The following LYPD6B variants were observed in gnomAD, a reference collection of about 807,000 sequenced individuals.
LYPD6B encodes LY6/PLAUR domain containing 6B.
Under a neutral mutation model 22.8 loss-of-function variants are expected in LYPD6B, and 17 were observed. The ratio of observed to expected loss-of-function variants is 0.75; its 90% CI spans 0.51 to 1.12. The LOEUF is 1.12. LYPD6B is among the 50% of genes most tolerant of loss of function. The pLI, the probability that LYPD6B is intolerant of heterozygous loss-of-function variation, is 0.00. For missense variants in LYPD6B, 221 were observed against 258.3 expected, an observed-to-expected ratio of 0.86 and a Z score of 0.99; for synonymous variants, 106 against 91.6, an observed-to-expected ratio of 1.16 and a Z score of -0.90.
rs58645227 is a variant in LYPD6B at position 149,093,383 on chromosome 2, C to T, written c.-66-37500C>T. ...GGAATAGGCCCTGGTCTAAAGGGAC[C>T]CCACAATAAACTGTCAGATGTCCTG... On this transcript the variant is annotated intron_variant, in intron 1 of 6. Transcript: ENST00000409642. 4.5e-3 allele frequency among the ~76,000 whole-genome samples: 687 copies of T among 152,114 alleles called. 8 individuals are homozygous for T. Among genetic ancestry groups the T allele is most frequent in the African/African-American group, 0.016 (658 of 41,504 alleles).
At position 149,054,903 on chromosome 2, in the gene LYPD6B, C is replaced by T. The variant is rs1380319966; in HGVS notation, c.-67+16102C>T. The stretch of plus-strand genomic sequence containing the variant: ...AAAAAAAAAAAAAAGTTTTTAGTTT[C>T]GATGAAGTCCTATTTATCTATTTTT... On this transcript the variant is annotated intron_variant, in intron 1 of 6. Coordinates refer to ENST00000409642, the MANE Select transcript of LYPD6B (RefSeq NM_177964.5). Among the ~76,000 whole-genome samples the T allele has an allele frequency of 2.6e-5, 4 of 151,608 alleles. No homozygotes were observed. In the East Asian group the frequency reaches 7.7e-4, roughly 29 times the overall value.
intron 4 of LYPD6B, among the ~76,000 whole-genome samples, chr2:149,206,976 T>C (rs1693544589): frequency 1.3e-5 from 2 of 152,164 alleles, no homozygotes; most frequent in African/African-American, 2.4e-5. Context: ...TAATTCTTCA[T>C]TGAAAATCGT....
intron 1 of LYPD6B, among the ~76,000 whole-genome samples, chr2:149,121,736 G>T (rs562918935): frequency 3.3e-5 from 5 of 152,218 alleles, no homozygotes; most frequent in Admixed American, 1.3e-4. Context: ...AGGACCTGCC[G>T]GGGCCAGGGC....
chr2:149,120,509 A>C (rs991611006), intron 1 of LYPD6B, among the ~76,000 whole-genome samples: 6 of 146,706 alleles, frequency 4.1e-5, no homozygotes, highest in Non-Finnish European at 9.0e-5. Flanking sequence ...CAGCCTCCCA[A>C]GTAGCTGGGA....
At chr2:149,156,406 G>A (rs902112302) in intron 2 of LYPD6B, among the ~76,000 whole-genome samples, 1 of 152,160 alleles carries the variant, frequency 6.6e-6, no homozygotes, top group Non-Finnish European at 1.5e-5. Flanking sequence ...ATCCTGGAGG[G>A]GAAAGATTAA....
At chr2:149,132,773 C>T (rs187157353) in intron 2 of LYPD6B, among the ~76,000 whole-genome samples, 1 of 152,174 alleles carries the variant, frequency 6.6e-6, no homozygotes. Context: ...GCTTGGCAGG[C>T]AGTTTAGTAG....
At chr2:149,208,581 G>A (rs1327873582) in intron 5 of LYPD6B, among the ~76,000 whole-genome samples, 169 bp downstream of exon 5, 1 of 152,100 alleles carries the variant, frequency 6.6e-6, no homozygotes, top group Non-Finnish European at 1.5e-5. Context: ...CTGAAGTTGA[G>A]TACCTTAAGG....
At chr2:149,081,113 G>A (rs2105395886) in intron 1 of LYPD6B, among the ~76,000 whole-genome samples, 1 of 152,298 alleles carries the variant, frequency 6.6e-6, no homozygotes, top group East Asian at 1.9e-4. Flanking sequence ...CTCTGTCAGA[G>A]GACTGCTGGG....
At chr2:149,154,947 A>G (rs993508355) in intron 2 of LYPD6B, among the ~76,000 whole-genome samples, 4 of 152,174 alleles carry the variant, frequency 2.6e-5, no homozygotes, top group African/African-American at 4.8e-5. Context: ...TACATAACCA[A>G]TTGATAAGGG....
intron 2 of LYPD6B, among the ~76,000 whole-genome samples, chr2:149,155,020 A>AT (rs1689610238): frequency 6.6e-6 from 1 of 152,262 alleles, no homozygotes; most frequent in African/African-American, 2.4e-5. Flanking sequence ...GGATACTTGA[A>AT]TTTTTTAAAA....
intron 1 of LYPD6B, among the ~76,000 whole-genome samples, chr2:149,121,527 G>A (rs558831599): frequency 4.7e-4 from 72 of 152,300 alleles, no homozygotes; most frequent in African/African-American, 1.7e-3. Context: ...TGTCATGAAG[G>A]GCTATAGTCA....
At chr2:149,076,749 A>G (rs895086894) in intron 1 of LYPD6B, among the ~76,000 whole-genome samples, 7 of 152,244 alleles carry the variant, frequency 4.6e-5, no homozygotes, top group African/African-American at 1.7e-4. Context: ...TAATGTGGAT[A>G]TATTACCTTA....
At chr2:149,189,308 G>T (rs986395014) in intron 3 of LYPD6B, among the ~76,000 whole-genome samples, 1 of 126,038 alleles carries the variant, frequency 7.9e-6, no homozygotes, top group Admixed American at 8.7e-5. Flanking sequence ...GGGCTAATGA[G>T]GGTATAAAAA....
At chr2:149,212,214 A>G (rs922993219) in intron 5 of LYPD6B, among the ~76,000 whole-genome samples, 10 of 150,870 alleles carry the variant, frequency 6.6e-5, no homozygotes, top group African/African-American at 2.4e-4. Flanking sequence ...CGTCTCTACT[A>G]AAAATCAAAA....
At chr2:149,168,433 C>T (rs1690583762) in intron 3 of LYPD6B, among the ~76,000 whole-genome samples, 1 of 152,136 alleles carries the variant, frequency 6.6e-6, no homozygotes, top group African/African-American at 2.4e-5. Context: ...CAAAGCATCA[C>T]ATTCCAAATT....
chr2:149,126,087 A>G (rs1242453037), intron 1 of LYPD6B, among the ~76,000 whole-genome samples: 3 of 152,214 alleles, frequency 2.0e-5, no homozygotes, highest in Non-Finnish European at 4.4e-5. Flanking sequence ...AAACAAATGC[A>G]AGTGAAAATG....
intron 1 of LYPD6B, among the ~76,000 whole-genome samples, chr2:149,115,190 C>T (rs534473016): frequency 1.3e-5 from 2 of 152,268 alleles, no homozygotes; most frequent in African/African-American, 4.8e-5. Context: ...CCTCTCGCCT[C>T]GGCCTCCCAA....
intron 1 of LYPD6B, among the ~76,000 whole-genome samples, chr2:149,110,801 T>C (rs773293928): frequency 6.6e-6 from 1 of 152,208 alleles, no homozygotes; most frequent in Non-Finnish European, 1.5e-5. Context: ...TTATATTCTA[T>C]GTCTGGAGAC....
intron 5 of LYPD6B, among the ~76,000 whole-genome samples, 168 bp from the exon 6 acceptor site, chr2:149,212,824 T>C (rs1418705897): frequency 1.3e-5 from 2 of 152,218 alleles, no homozygotes; most frequent in Non-Finnish European, 2.9e-5. Context: ...TTGAAAAATA[T>C]CACCTAGAAA....
Sources: gnomAD v4.1 joint callset for allele counts (sites outside exome capture counted in the v4.1 genomes callset) on GRCh38, gnomAD v4.1.1 for gene constraint, MANE v1.5 for transcripts, NCBI Gene and HGNC (gene_info 2026-07-23, HGNC 2026-07-21) for gene names.